The following ANXA4 variants were observed in gnomAD, a reference collection of about 807,000 sequenced individuals.
ANXA4 encodes the protein annexin A4, also known as 35-beta calcimedin.
Under a neutral mutation model 49.8 loss-of-function variants are expected in ANXA4, and 39 were observed. The observed-to-expected ratio is 0.78, with a 90% CI of 0.61 to 1.02. The LOEUF (loss-of-function observed/expected upper bound fraction) is 1.02, where lower values mean the gene tolerates loss of function less well. ANXA4 is among the 50% of genes least tolerant of loss of function. ANXA4 has a pLI of 0.00. For missense variants in ANXA4, 360 were observed against 410.1 expected (o/e 0.88, Z 1.05); for synonymous variants, 134 against 152.5 (o/e 0.88, Z 0.89).
At chr2:69,726,800 G>A (rs2105438901) in intron 3 of ANXA4, among the ~76,000 whole-genome samples, 1 of 152,294 alleles carries the variant, frequency 6.6e-6, no homozygotes, top group East Asian at 1.9e-4. Context: ...CCACGTTGTT[G>A]TGTGTACTTG....
At chr2:69,649,924 A>ATTTTT (rs35212855) in intron 1 of ANXA4, among the ~76,000 whole-genome samples, 5 of 52,014 alleles carry the variant, frequency 9.6e-5, no homozygotes, top group Non-Finnish European at 1.5e-4. Flanking sequence ...GCCTGGCCTG[A>ATTTTT]TTTTTTTTTT....
chr2:69,643,987 G>A (rs1675886939), upstream of ANXA4: 1 of 757,786 alleles, frequency 1.3e-6, no homozygotes, highest in Non-Finnish European at 1.7e-6. Context: ...GGCAAGCTGG[G>A]AAAGGTAGCT....
intron 2 of ANXA4, among the ~76,000 whole-genome samples, chr2:69,697,106 T>G (rs1007159064): frequency 3.9e-5 from 6 of 151,986 alleles, no homozygotes; most frequent in African/African-American, 1.4e-4. Context: ...CTAGATGGCA[T>G]CTTCTTCTAG....
Position 69,825,864 on chromosome 2 carries a change from TG to T in ANXA4, c.*351del. On this transcript the variant is annotated 3_prime_UTR_variant, in exon 13 of 13. Coordinates refer to ENST00000394295, the MANE Select transcript of ANXA4 (RefSeq NM_001153.5). ...TCTTTTCAGTGAAAAATTTTTTAAA[TG>T]GAAGACTGTTCTAAAATCACTTTTT... The T allele has an allele frequency of 5.9e-6, 1 of 170,192 alleles. No homozygotes were observed. The highest frequency in any genetic ancestry group is 1.2e-5 in the Non-Finnish European group (1 of 80,264). The allele number at this position is 170,192 out of a possible 1,614,324, so 10.5% of individuals were successfully genotyped here.
upstream of ANXA4, chr2:69,644,025 A>C: frequency 7.4e-5 from 26 of 352,344 alleles, no homozygotes; most frequent in Non-Finnish European, 9.5e-5. Flanking sequence ...TGGACTACAA[A>C]TCCCAGCATA....
chr2:69,737,666 A>T (rs1202559057), upstream of ANXA4, among the ~76,000 whole-genome samples: 1 of 152,104 alleles, frequency 6.6e-6, no homozygotes, highest in Non-Finnish European at 1.5e-5. Context: ...GGCTGTTCAC[A>T]GGTGTGGTCA....
At chr2:69,671,727 A>AAT (rs200930284) in intron 2 of ANXA4, among the ~76,000 whole-genome samples, 7 of 151,910 alleles carry the variant, frequency 4.6e-5, no homozygotes, top group Non-Finnish European at 7.4e-5. Context: ...CATCTCAAAA[A>AAT]ATATATATAT....
intron 1 of ANXA4, among the ~76,000 whole-genome samples, chr2:69,762,852 C>A (rs945945473): frequency 1.0e-5 from 1 of 96,762 alleles, no homozygotes; most frequent in Admixed American, 1.2e-4. Context: ...CTCATAAACA[C>A]ACACACTCAC....
intron 2 of ANXA4, among the ~76,000 whole-genome samples, chr2:69,657,771 A>G (rs1269168206): frequency 6.6e-6 from 1 of 152,222 alleles, no homozygotes; most frequent in Admixed American, 6.5e-5. Flanking sequence ...TGATTAGAAC[A>G]GTATATGTAT....
At chr2:69,657,448 G>A (rs564212031) in intron 2 of ANXA4, among the ~76,000 whole-genome samples, 64 of 148,610 alleles carry the variant, frequency 4.3e-4, no homozygotes, top group African/African-American at 1.4e-3. Context: ...TATTTTTAAT[G>A]TACGCAATGG....
At chr2:69,780,382 G>A (rs1017637148) in intron 1 of ANXA4, among the ~76,000 whole-genome samples, 7 of 152,230 alleles carry the variant, frequency 4.6e-5, no homozygotes, top group African/African-American at 1.7e-4. Context: ...TTTTAGTAGA[G>A]ATGGGGTTTC....
intron 3 of ANXA4, among the ~76,000 whole-genome samples, chr2:69,723,142 G>T (rs1669865314): frequency 6.8e-6 from 1 of 146,676 alleles, no homozygotes; most frequent in Non-Finnish European, 1.5e-5. Flanking sequence ...AGTGAGCCGA[G>T]ATCATGCCAC....
At chr2:69,768,381 G>A (rs976770841) in intron 1 of ANXA4, among the ~76,000 whole-genome samples, 12 of 152,200 alleles carry the variant, frequency 7.9e-5, no homozygotes, top group African/African-American at 2.9e-4. Flanking sequence ...AGGAGTGAGC[G>A]CAGGGCCAGA....
At chr2:69,815,791 G>A in intron 8 of ANXA4, 1 of 303,076 alleles carries the variant, frequency 3.3e-6, no homozygotes, top group Non-Finnish European at 6.2e-6. Flanking sequence ...AGCCACATGT[G>A]GTTAGTGGCA....
intron 1 of ANXA4, among the ~76,000 whole-genome samples, chr2:69,747,005 A>T (rs1670639894): frequency 6.6e-6 from 1 of 152,048 alleles, no homozygotes; most frequent in South Asian, 2.1e-4. Context: ...CAAAAAACAA[A>T]AACGAAAAAT....
intron 1 of ANXA4, among the ~76,000 whole-genome samples, chr2:69,772,099 C>T (rs1671744018): frequency 2.0e-5 from 3 of 152,226 alleles, no homozygotes; most frequent in Admixed American, 2.0e-4. Flanking sequence ...CACCTTCAGC[C>T]TTCATCTTTC....
chr2:69,697,978 C>CAAA (rs34820959), intron 2 of ANXA4, among the ~76,000 whole-genome samples: 78 of 105,628 alleles, frequency 7.4e-4, no homozygotes, highest in African/African-American at 2.6e-3. Context: ...GACCCCATCT[C>CAAA]AAAAAAAAAA....
At position 69,652,773 on chromosome 2, in the gene ANXA4, C is replaced by G. The variant is rs1676299314; in HGVS notation, n.482-225C>G. ...ACTCAGGAGGCTGAGGCAGGAGAAT[C>G]AGTTGAACCCAGGATGCGGAGGTTG... On this transcript the variant is annotated intron_variant and non_coding_transcript_variant, in intron 1 of 3. Coordinates refer to the ANXA4 transcript ENST00000418066. Among the ~76,000 whole-genome samples the G allele has an allele frequency of 2.0e-5, 3 of 152,134 alleles. No homozygotes were observed. In the South Asian group the frequency reaches 6.2e-4, roughly 32 times the overall value.
rs761152390 is a variant in ANXA4, at chr2:69,806,370, T to C, written c.193-15T>C. 4.6e-5 allele frequency: 73 copies of C among 1,596,378 alleles called. 1 individual carries two copies. In the South Asian group the frequency reaches 6.7e-4, roughly 15 times the overall value. ...TGCTATAGCAGTTAAGCGGAGCTAC[T>C]TTCTTGCATTGCAGGACTTGATAGA... On this transcript the variant is annotated splice_polypyrimidine_tract_variant and intron_variant, in intron 4 of 12. Transcript: ENST00000394295.
Sources: gnomAD v4.1 joint callset for allele counts (sites outside exome capture counted in the v4.1 genomes callset) on GRCh38, gnomAD v4.1.1 for gene constraint, MANE v1.5 for transcripts, NCBI Gene and HGNC (gene_info 2026-07-23, HGNC 2026-07-21) for gene names.